The following IKZF3 variants were observed in gnomAD, a reference collection of about 807,000 sequenced individuals.
IKZF3 encodes the protein IKAROS family zinc finger 3.
Under a neutral mutation model 49.0 loss-of-function variants are expected in IKZF3, and 10 were observed. The ratio of observed to expected loss-of-function variants is 0.20; its 90% CI spans 0.13 to 0.35. The LOEUF (loss-of-function observed/expected upper bound fraction) is 0.35, where lower values mean the gene tolerates loss of function less well. Among genes scored for constraint, IKZF3 ranks in the 10% least tolerant of loss-of-function variants. IKZF3 has a pLI of 1.00. For synonymous variants in IKZF3, 209 were observed against 228.2 expected (o/e 0.92, Z 0.76); for missense variants, 498 against 664.8 (o/e 0.75, Z 2.76).
chr17:39,782,433 A>G (rs965508370), intron 6 of IKZF3, among the ~76,000 whole-genome samples: 4 of 151,482 alleles, frequency 2.6e-5, no homozygotes, highest in Admixed American at 1.3e-4. Flanking sequence ...ACACACACAT[A>G]TCACACATAC....
intron 1 of IKZF3, among the ~76,000 whole-genome samples, chr17:39,853,849 GAAGAACA>G (rs1010618253): frequency 6.6e-5 from 10 of 150,416 alleles, no homozygotes; most frequent in African/African-American, 2.2e-4. Context: ...AAAAAAAAAG[GAAGAACA>G]CGGTGGCTCA....
chr17:39,850,514 GCATATTATA>G (rs202126107), intron 1 of IKZF3, among the ~76,000 whole-genome samples: 56,093 of 116,264 alleles, frequency 0.48, 13,545 homozygotes, highest in Middle Eastern at 0.56. Flanking sequence ...ATAATATATA[GCATATTATA>G]CATATTATAC....
chr17:39,823,457 G>A (rs2061865453), intron 3 of IKZF3, among the ~76,000 whole-genome samples: 1 of 152,110 alleles, frequency 6.6e-6, no homozygotes, highest in Non-Finnish European at 1.5e-5. Context: ...ATTCAAACCA[G>A]CTGCATAAAT....
At chr17:39,791,133 CA>C (rs1003289267) in intron 5 of IKZF3, among the ~76,000 whole-genome samples, 2 of 152,062 alleles carry the variant, frequency 1.3e-5, no homozygotes, top group Non-Finnish European at 2.9e-5. Flanking sequence ...AATTTTCTCA[CA>C]AAAATTAAAA....
At chr17:39,850,538 AC>A (rs2062797948) in intron 1 of IKZF3, among the ~76,000 whole-genome samples, 1 of 130,348 alleles carries the variant, frequency 7.7e-6, no homozygotes, top group Non-Finnish European at 1.5e-5. Context: ...TTATACATGT[AC>A]ATATTATAGC....
chr17:39,798,314 C>G (rs1216503680), intron 3 of IKZF3, among the ~76,000 whole-genome samples: 1 of 152,118 alleles, frequency 6.6e-6, no homozygotes, highest in Non-Finnish European at 1.5e-5. Context: ...TTTCCACTGC[C>G]AACAAAATAA....
intron 6 of IKZF3, 149 bp from the exon 7 acceptor site, chr17:39,777,916 T>G (rs754667164): frequency 7.2e-7 from 1 of 1,382,136 alleles, no homozygotes; most frequent in African/African-American, 1.5e-5. Context: ...TTGCCTGGGG[T>G]ACCTGCTGTG....
At chr17:39,826,210 T>G (rs1206280437) in intron 3 of IKZF3, among the ~76,000 whole-genome samples, 1 of 152,156 alleles carries the variant, frequency 6.6e-6, no homozygotes, top group African/African-American at 2.4e-5. Flanking sequence ...GCCTAGCTAA[T>G]TTTTAAATGT....
intron 7 of IKZF3, among the ~76,000 whole-genome samples, chr17:39,773,535 T>A (rs1297784354): frequency 1.3e-5 from 2 of 152,236 alleles, no homozygotes; most frequent in African/African-American, 4.8e-5. Context: ...CTCATTAACA[T>A]GTTTACCACA....
At chr17:39,848,041 A>G (rs1011241351) in intron 1 of IKZF3, among the ~76,000 whole-genome samples, 2 of 152,214 alleles carry the variant, frequency 1.3e-5, no homozygotes, top group African/African-American at 4.8e-5. Context: ...AAAAACAAAG[A>G]CATGCATTAA....
Position 39,760,594 on chromosome 17 carries a change from G to C in IKZF3, c.*5196C>G, listed in dbSNP as rs1425045614. On this transcript the variant is annotated 3_prime_UTR_variant, in exon 8 of 8. Transcript: ENST00000346872. ...CCGCCTTGGCCTCCCAAAGTGCTGG[G>C]ATTACAGGCGTGAGCCACCGCACCT... is the stretch of plus-strand genomic sequence containing the variant. 6.6e-6 allele frequency: 1 copy of C among 152,368 alleles called. No homozygotes were observed. The highest frequency in any genetic ancestry group is 1.5e-5 in the Non-Finnish European group (1 of 68,188). The allele number at this position is 152,368 out of a possible 1,614,324, so 9.4% of individuals were successfully genotyped here.
intron 7 of IKZF3, among the ~76,000 whole-genome samples, chr17:39,768,661 C>T (rs2060358167): frequency 6.6e-6 from 1 of 152,178 alleles, no homozygotes; most frequent in Admixed American, 6.5e-5. Flanking sequence ...CACAGGGTCA[C>T]TGGAAAGCAC....
chr17:39,855,851 T>C (rs2063024129), intron 1 of IKZF3, among the ~76,000 whole-genome samples: 1 of 152,314 alleles, frequency 6.6e-6, no homozygotes, highest in East Asian at 1.9e-4. Flanking sequence ...AACATTCATT[T>C]TATTTCATTC....
intron 6 of IKZF3, chr17:39,778,003 A>G (rs1265064106): frequency 8.4e-7 from 1 of 1,194,368 alleles, no homozygotes; most frequent in Admixed American, 4.5e-5. Context: ...CCCATCCCCA[A>G]CCAGTACCTT....
intron 3 of IKZF3, among the ~76,000 whole-genome samples, chr17:39,795,581 GTTT>G (rs1265251446): frequency 6.6e-6 from 1 of 151,452 alleles, no homozygotes; most frequent in East Asian, 2.0e-4. Context: ...TGATTTTTGT[GTTT>G]TTAGTAAAGA....
intron 1 of IKZF3, chr17:39,836,067 T>C (rs2062270450): frequency 3.0e-6 from 2 of 655,840 alleles, no homozygotes; most frequent in South Asian, 3.1e-5. Context: ...CTTGTTCTGC[T>C]GCTTCAGGAA....
intron 3 of IKZF3, among the ~76,000 whole-genome samples, chr17:39,819,363 GA>G (rs1407232688): frequency 6.6e-6 from 1 of 151,578 alleles, no homozygotes. Flanking sequence ...CTGTAACTCA[GA>G]AAAAAAACAA....
In IKZF3 at chr17:39,788,340, C is replaced by T; in HGVS notation, c.627G>A (p.Arg209=). ...CAAGGGAACTTCTCTGCTTGTAACT[C>T]CTTCCACAAAACTCACATTTGTAGG... is the stretch of plus-strand genomic sequence containing the variant. ...EKPYKCEFCG[R]SYKQRSSLEE... is the part of the protein sequence containing the mutation. Residue 209 remains arginine (R), a synonymous_variant, in exon 6 of 8, where the codon AGG becomes AGA. Coordinates refer to ENST00000346872, the MANE Select transcript of IKZF3 (RefSeq NM_012481.5). 6.2e-7 allele frequency: 1 copy of T among 1,613,784 alleles called. No homozygotes were observed. Among genetic ancestry groups the T allele is most frequent in the Non-Finnish European group, 8.5e-7 (1 of 1,179,840 alleles).
Position 39,863,980 on chromosome 17 carries a change from C to T in IKZF3, c.7+140G>A. On this transcript the variant is annotated intron_variant, in intron 1 of 7. Coordinates refer to ENST00000346872, the MANE Select transcript of IKZF3 (RefSeq NM_012481.5). ...CGTTAAGAGAACCGACGCGCTTTGTCCTCTGAAATACCTCATATTTACTTT... is the reference window on the plus strand; with the variant it reads ...CGTTAAGAGAACCGACGCGCTTTGTTCTCTGAAATACCTCATATTTACTTT... The T allele has an allele frequency of 4.4e-6, 5 of 1,131,186 alleles. No individual in the cohort carries two copies. The South Asian group carries it at 5.0e-5, about 11-fold the overall frequency. The allele number at this position is 1,131,186 out of a possible 1,614,324, so 70.1% of individuals were successfully genotyped here.
Sources: gnomAD v4.1 joint callset for allele counts (sites outside exome capture counted in the v4.1 genomes callset) on GRCh38, gnomAD v4.1.1 for gene constraint, MANE v1.5 for transcripts, NCBI Gene and HGNC (gene_info 2026-07-23, HGNC 2026-07-21) for gene names.